Variants in MKRN1 observed in about 807,000 individuals in gnomAD.
The protein encoded by MKRN1 is E3 ubiquitin-protein ligase makorin-1.
In MKRN1, 9 loss-of-function variants were observed where a neutral mutation model predicts 55.5. The observed-to-expected ratio is 0.16, with a 90% CI of 0.10 to 0.28. The LOEUF is 0.28. Among genes scored for constraint, MKRN1 ranks in the 10% least tolerant of loss-of-function variants. MKRN1 has a pLI of 1.00. For synonymous variants in MKRN1, 253 were observed against 235.9 expected (o/e 1.07, Z -0.66); for missense variants, 488 against 626.7 (o/e 0.78, Z 2.36).
At chr7:140,474,441 G>A (rs1441980503) in intron 1 of MKRN1, 1 of 362,344 alleles carries the variant, frequency 2.8e-6, no homozygotes, top group Non-Finnish European at 5.7e-6. Flanking sequence ...GTGGGTTGGG[G>A]GGGGCCCAGA....
In MKRN1 at chr7:140,455,283, T is replaced by C. The variant is rs1449149777; in HGVS notation, c.1098-50A>G. The C allele has an allele frequency of 2.5e-6, 4 of 1,607,562 alleles. No individual in the cohort carries two copies. In the Admixed American group the frequency reaches 5.0e-5, roughly 20 times the overall value. ...TTATTCACAGTGGATTTCAGGTCTGTATTTGACTATCATCCGGGGTTTCTT... is the reference window on the plus strand; with the variant it reads ...TTATTCACAGTGGATTTCAGGTCTGCATTTGACTATCATCCGGGGTTTCTT... On this transcript the variant is annotated intron_variant, in intron 6 of 7. Coordinates refer to ENST00000255977, the MANE Select transcript of MKRN1 (RefSeq NM_013446.4).
chr7:140,471,957 G>A lies in MKRN1; in HGVS notation c.240C>T (p.Asp80=), dbSNP rs1191511437. ...KEGDNCRYSH[D]LSDSPYSVVC... ...CTACACTATACGGACTGTCAGAGAG[G>A]TCATGCGAGTAGCGACAGTTGTCTC... The change falls in exon 2 of 8, where the codon GAC becomes GAT. Residue 80 remains aspartate (D), a synonymous_variant. Coordinates refer to ENST00000255977, the MANE Select transcript of MKRN1 (RefSeq NM_013446.4). The A allele has an allele frequency of 3.1e-6, 5 of 1,614,142 alleles. No individual in the cohort carries two copies. The East Asian group carries it at 8.9e-5, about 29-fold the overall frequency.
rs1455957377 is a variant in MKRN1, at chr7:140,470,052, A to AT, written c.314+1830_314+1831insA. Among the ~76,000 whole-genome samples the AT allele has an allele frequency of 3.5e-3, 459 of 131,284 alleles. 5 individuals carry two copies. The highest frequency in any genetic ancestry group is 0.017 in the African/African-American group (442 of 25,954). 86.1% of individuals were successfully genotyped at this position (131,284 alleles called of 152,430 possible). On this transcript the variant is annotated intron_variant, in intron 2 of 7. Transcript: ENST00000255977. ...ACAGAGCTAGGCTCTGTCTCAAAAA[A>AT]AAAAAAAAAAAAAAAAAAATTAGCC...
rs1335022316 is a variant in MKRN1 at position 140,453,857 on chromosome 7, CTCTA to C, written c.*656_*659del. The C allele has an allele frequency of 6.4e-6, 1 of 156,882 alleles. No homozygotes were observed. Among genetic ancestry groups the C allele is most frequent in the Non-Finnish European group, 1.4e-5 (1 of 70,428 alleles). 9.7% of individuals were successfully genotyped at this position (156,882 alleles called of 1,614,324 possible). On this transcript the variant is annotated 3_prime_UTR_variant, in exon 8 of 8. Transcript: ENST00000255977. ...CCAACTCTGCATTGATGTTATGCCT[CTCTA>C]TCTTTTATACGTATTCTTTCTCAAT...
At position 140,460,580 on chromosome 7, in the gene MKRN1, T is replaced by G. The variant is rs545678938; in HGVS notation, c.315-644A>C. On this transcript the variant is annotated intron_variant, in intron 2 of 7. Coordinates refer to ENST00000255977, the MANE Select transcript of MKRN1 (RefSeq NM_013446.4). ...CCTCCCAAAGTGCTGGGGTTACAGG[T>G]GTGAGCCACCACGTACGGCCATATA... 3.3e-5 allele frequency among the ~76,000 whole-genome samples: 5 copies of G among 152,164 alleles called. No individual in the cohort carries two copies. The South Asian group carries it at 1.0e-3, about 32-fold the overall frequency.
chr7:140,454,258 A>T lies in MKRN1; in HGVS notation c.*259T>A, dbSNP rs188718944. The stretch of plus-strand genomic sequence containing the variant: ...AAAACAGATGACGCAACACACCTAC[A>T]CTAACTGTCTGACAGTTAAATTCGT... On this transcript the variant is annotated 3_prime_UTR_variant, in exon 8 of 8. Transcript: ENST00000255977. The T allele has an allele frequency of 6.5e-4, 321 of 495,662 alleles. 1 individual carries two copies. The East Asian group carries it at 9.6e-3, about 15-fold the overall frequency. The allele number at this position is 495,662 out of a possible 1,614,324, so 30.7% of individuals were successfully genotyped here. A position where few individuals can be genotyped will look rare whatever the true frequency, so the allele number is the denominator to read the frequency against.
chr7:140,461,990 A>G (rs1794634966), intron 2 of MKRN1, among the ~76,000 whole-genome samples: 1 of 152,212 alleles, frequency 6.6e-6, no homozygotes, highest in Non-Finnish European at 1.5e-5. Context: ...TCTCGAAAGA[A>G]AAGAAAAGAC....
chr7:140,468,035 C>G (rs1794822433), intron 2 of MKRN1, among the ~76,000 whole-genome samples: 1 of 150,398 alleles, frequency 6.6e-6, no homozygotes, highest in Admixed American at 6.6e-5. Flanking sequence ...AGAGGCTTAG[C>G]ACAGATTTCT....
intron 3 of MKRN1, among the ~76,000 whole-genome samples, 187 bp from the exon 4 acceptor site, chr7:140,459,420 G>A (rs900416975): frequency 3.5e-4 from 45 of 130,034 alleles, no homozygotes; most frequent in African/African-American, 1.8e-3. Flanking sequence ...GATTAGACTT[G>A]TAAAAAAAAA....
At chr7:140,477,659 T>C (rs574535260) in intron 1 of MKRN1, among the ~76,000 whole-genome samples, 21 of 150,802 alleles carry the variant, frequency 1.4e-4, no homozygotes, top group African/African-American at 4.9e-4. Context: ...GGTTTCACCA[T>C]GTTGGCCAGG....
At chr7:140,458,956 C>A (rs1026565101) in intron 4 of MKRN1, 51 bp downstream of exon 4, 1 of 1,572,170 alleles carries the variant, frequency 6.4e-7, no homozygotes. Flanking sequence ...TGTGAAAGGG[C>A]AAATAATGAT....
chr7:140,477,660 G>C (rs1456080220), intron 1 of MKRN1, among the ~76,000 whole-genome samples: 1 of 150,370 alleles, frequency 6.7e-6, no homozygotes, highest in African/African-American at 2.5e-5. Flanking sequence ...GTTTCACCAT[G>C]TTGGCCAGGC....
chr7:140,462,839 G>A (rs748010536), intron 2 of MKRN1, among the ~76,000 whole-genome samples: 14 of 152,082 alleles, frequency 9.2e-5, no homozygotes, highest in South Asian at 4.1e-4. Flanking sequence ...GGTGGTGTGC[G>A]TCTGTAATCC....
intron 2 of MKRN1, among the ~76,000 whole-genome samples, chr7:140,467,007 C>T (rs1269858492): frequency 2.0e-5 from 3 of 149,554 alleles, no homozygotes; most frequent in Non-Finnish European, 3.0e-5. Context: ...GACAGAGTTT[C>T]GCTCTTGTTG....
chr7:140,474,005 AAAAGAAAGAAAG>A (rs71272543), intron 1 of MKRN1, among the ~76,000 whole-genome samples: 1,000 of 65,652 alleles, frequency 0.015, 33 homozygotes, highest in East Asian at 0.052. Flanking sequence ...AAAAAAAAAA[AAAAGAAAGAAAG>A]AAAGAAAGAA....
chr7:140,475,322 GAC>G (rs751905767), intron 1 of MKRN1: 14 of 378,136 alleles, frequency 3.7e-5, no homozygotes, highest in South Asian at 2.4e-4. Context: ...CAGCTTGGGC[GAC>G]ACAGACTCCA....
intron 2 of MKRN1, 140 bp from the exon 3 acceptor site, chr7:140,460,076 C>G (rs563828672): frequency 1.4e-6 from 1 of 740,096 alleles, no homozygotes; most frequent in Non-Finnish European, 2.2e-6. Flanking sequence ...TGGTGAAAAC[C>G]CGTCACTACC....
At position 140,455,912 on chromosome 7, in the gene MKRN1, T is replaced by C; in HGVS notation, c.987-12A>G. 1 of 1,599,042 alleles carries C rather than the reference T, an allele frequency of 6.3e-7. No homozygotes were observed. Among genetic ancestry groups the C allele is most frequent in the Non-Finnish European group, 8.6e-7 (1 of 1,166,298 alleles). On this transcript the variant is annotated splice_polypyrimidine_tract_variant and intron_variant, in intron 5 of 7. Coordinates refer to ENST00000255977, the MANE Select transcript of MKRN1 (RefSeq NM_013446.4). ...ATTCTGGGCAGGACCTGGGAAACAA[T>C]GAACAGGCTGCAATGCAAATTCCCC...
In MKRN1 at chr7:140,478,981, C is replaced by T. The variant is rs1258700749; in HGVS notation, c.185+179G>A. ...CTCCGCGGCCCAGCGGGGGTTGACG[C>T]AGTGACTGGGGGAACGCGGCGGCAG... is the stretch of plus-strand genomic sequence containing the variant. On this transcript the variant is annotated intron_variant, in intron 1 of 7. Coordinates refer to ENST00000255977, the MANE Select transcript of MKRN1 (RefSeq NM_013446.4). The T allele has an allele frequency of 8.2e-6, 6 of 733,410 alleles. No homozygotes were observed. In the African/African-American group the frequency reaches 9.2e-5, roughly 11 times the overall value. The allele number at this position is 733,410 out of a possible 1,614,324, so 45.4% of individuals were successfully genotyped here.
Sources: gnomAD v4.1 joint callset for allele counts (sites outside exome capture counted in the v4.1 genomes callset) on GRCh38, gnomAD v4.1.1 for gene constraint, MANE v1.5 for transcripts, NCBI Gene and HGNC (gene_info 2026-07-23, HGNC 2026-07-21) for gene names.